VPS13A: variants seen among roughly 807,000 people sequenced by gnomAD.
The protein encoded by VPS13A is intermembrane lipid transfer protein VPS13A.
In VPS13A, 264 loss-of-function variants were observed where a neutral mutation model predicts 390.9. The ratio of observed to expected loss-of-function variants is 0.68; its 90% CI spans 0.61 to 0.75. The LOEUF (loss-of-function observed/expected upper bound fraction) is 0.75. VPS13A is among the 30% of genes least tolerant of loss of function. The pLI, the probability that VPS13A is intolerant of heterozygous loss-of-function variation, is 0.00. For synonymous variants in VPS13A, 1,231 were observed against 1,227.1 expected (o/e 1.00, Z -0.07); for missense variants, 3,409 against 3,733.9 (o/e 0.91, Z 2.27).
Position 77,356,849 on chromosome 9 carries a change from G to C in VPS13A, c.7788G>C (p.Gln2596His). The change falls in exon 55 of 72, where the codon CAG becomes CAC. Residue 2596 changes from glutamine (Q) to histidine (H), a missense_variant. Gln to His is a conservative substitution (Grantham distance 24). Transcript: ENST00000360280. ...CTCCTTCAGAAGATAAGGTTATTCA[G>C]TTGGACACTAATGTTCCGGTAATAT... ...ESSPSEDKVI[Q>H]LDTNVPVRLT... 6.2e-7 allele frequency: 1 copy of C among 1,613,864 alleles called. No individual in the cohort carries two copies. Among genetic ancestry groups the C allele is most frequent in the Non-Finnish European group, 8.5e-7 (1 of 1,179,924 alleles).
In VPS13A at chr9:77,419,077, A is replaced by ACAT. The variant is rs1425744748; in HGVS notation, c.*3072_*3074dup. ...TAGAAGCTCAAAGTGTGTACCAAAT[A>ACAT]CATTGACAGTGGATGCTTTCATGGC... On this transcript the variant is annotated 3_prime_UTR_variant, in exon 72 of 72. Transcript: ENST00000360280. 6.6e-6 allele frequency: 1 copy of ACAT among 152,194 alleles called. No homozygotes were observed. Among genetic ancestry groups the ACAT allele is most frequent in the Admixed American group, 6.5e-5 (1 of 15,284 alleles). 9.4% of individuals were successfully genotyped at this position (152,194 alleles called of 1,614,324 possible).
At position 77,340,455 on chromosome 9, in the gene VPS13A, T is replaced by G; in HGVS notation, c.6931T>G (p.Phe2311Val). 6.2e-7 allele frequency: 1 copy of G among 1,613,494 alleles called. No individual in the cohort carries two copies. The highest frequency in any genetic ancestry group is 8.5e-7 in the Non-Finnish European group (1 of 1,179,674). Reference sequence around the variant, plus strand: ...TTTTAACATTACTAGAATTGTGACATTTACCCCTTTTTATATGATTAAAAA... The same window carrying G: ...TTTTAACATTACTAGAATTGTGACAGTTACCCCTTTTTATATGATTAAAAA... ...SSFNITRIVT[F>V]TPFYMIKNKS... The change falls in exon 50 of 72, where the codon TTT becomes GTT. Residue 2311 changes from phenylalanine (F) to valine (V), a missense_variant. This residue lies in a region of VPS13A where 2,717 missense variants were observed against 2,917.4 expected (regional missense o/e 0.93). Transcript: ENST00000360280.
At position 77,337,391 on chromosome 9, in the gene VPS13A, C is replaced by A; in HGVS notation, c.6232C>A (p.Leu2078Ile). Residue 2078 changes from leucine to isoleucine, a missense_variant, in exon 47 of 72, where the codon CTC (leucine) becomes ATC (isoleucine). Physicochemically the swap from Leu to Ile is conservative, Grantham distance 5 (BLOSUM62 2). Coordinates refer to ENST00000360280, the MANE Select transcript of VPS13A (RefSeq NM_033305.3). The part of the protein sequence containing the change: ...RSKNPSKESF[L>I]INIVPEKDNL... The stretch of plus-strand genomic sequence containing the variant: ...TAAAAACCCTTCTAAGGAATCATTT[C>A]TCATTAATATTGTTCCAGAAAAAGA... The A allele has an allele frequency of 6.2e-7, 1 of 1,612,628 alleles. No individual in the cohort carries two copies. The highest frequency in any genetic ancestry group is 8.5e-7 in the Non-Finnish European group (1 of 1,178,970).
In VPS13A at chr9:77,366,716, T is replaced by C; in HGVS notation, c.8326-11T>C. The C allele has an allele frequency of 4.4e-6, 7 of 1,602,636 alleles. No homozygotes were observed. The highest frequency in any genetic ancestry group is 5.1e-6 in the Non-Finnish European group (6 of 1,172,764). On this transcript the variant is annotated splice_polypyrimidine_tract_variant and intron_variant, in intron 60 of 71. Transcript: ENST00000360280. The stretch of plus-strand genomic sequence containing the variant: ...AAATACTTTTAAATATTTATCTCTT[T>C]ATCTTTTTAGTTACATTTAAGTGTT...
chr9:77,242,332 A>G (rs1316224881), intron 19 of VPS13A, among the ~76,000 whole-genome samples: 1 of 152,126 alleles, frequency 6.6e-6, no homozygotes, highest in African/African-American at 2.4e-5. Flanking sequence ...ATGTCTAACT[A>G]GTTGTCTTTT....
intron 57 of VPS13A, 25 bp downstream of exon 57, chr9:77,358,463 A>G (rs1831943756): frequency 1.9e-6 from 3 of 1,573,288 alleles, no homozygotes; most frequent in Non-Finnish European, 2.6e-6. Context: ...TTAGATTTCC[A>G]TAAAAGCAGT....
At chr9:77,360,731 A>G (rs1832097794) in intron 59 of VPS13A, 90 bp downstream of exon 59, 2 of 975,900 alleles carry the variant, frequency 2.0e-6, no homozygotes, top group East Asian at 2.7e-5. Flanking sequence ...ACTTTGTTGC[A>G]TTTTAAAAAT....
rs761366962 is a variant in VPS13A at position 77,209,506 on chromosome 9, A to C, written c.469A>C (p.Ser157Arg). 6.2e-7 allele frequency: 1 copy of C among 1,604,260 alleles called. No individual in the cohort carries two copies. The highest frequency in any genetic ancestry group is 8.5e-7 in the Non-Finnish European group (1 of 1,171,870). ...IIKNLQVKIS[S>R]IHIRYEDDIT... ...AAAAAATCTTCAGGTGAAAATTTCC[A>C]GTATCCATATTCGTTATGAAGATGA... The change falls in exon 6 of 72, where the codon AGT (serine) becomes CGT (arginine). Residue 157 changes from serine to arginine, a missense_variant. By Grantham distance (110) the Ser-to-Arg change is moderately radical (BLOSUM62 -1). This residue lies in a region of VPS13A where 2,717 missense variants were observed against 2,917.4 expected (regional missense o/e 0.93). Coordinates refer to ENST00000360280, the MANE Select transcript of VPS13A (RefSeq NM_033305.3).
At chr9:77,289,146 G>A (rs745575516) in intron 31 of VPS13A, among the ~76,000 whole-genome samples, 5 of 152,196 alleles carry the variant, frequency 3.3e-5, no homozygotes, top group Middle Eastern at 3.4e-3. Flanking sequence ...TGCCCAGGGT[G>A]GTCTTGAACT....
In VPS13A at chr9:77,334,082, C is replaced by T. The variant is rs565964922; in HGVS notation, c.6095+1969C>T. On this transcript the variant is annotated intron_variant, in intron 46 of 71. Transcript: ENST00000360280. The stretch of plus-strand genomic sequence containing the variant: ...CAAGATACATGAAGTACGGTAACAT[C>T]TGTAATATAGTAATATGGAGATTAG... Among the ~76,000 whole-genome samples the T allele has an allele frequency of 1.1e-4, 16 of 152,120 alleles. No individual in the cohort carries two copies. In the South Asian group the frequency reaches 3.3e-3, roughly 32 times the overall value.
At chr9:77,319,728 T>G in intron 42 of VPS13A, 55 bp downstream of exon 42, 1 of 1,005,336 alleles carries the variant, frequency 9.9e-7, no homozygotes, top group Non-Finnish European at 1.4e-6. Flanking sequence ...TTTAAAAGAC[T>G]TTATTTTTTT....
intron 33 of VPS13A, among the ~76,000 whole-genome samples, chr9:77,298,539 A>G (rs1255426878): frequency 2.0e-5 from 3 of 151,846 alleles, no homozygotes; most frequent in African/African-American, 7.3e-5. Flanking sequence ...TTTTTTTTTC[A>G]TGCAGTACTT....
At chr9:77,406,036 C>T in intron 70 of VPS13A, 49 bp downstream of exon 70, 2 of 1,605,512 alleles carry the variant, frequency 1.2e-6, no homozygotes, top group South Asian at 1.1e-5. Context: ...GAAAATAATG[C>T]TTTGAAGTAG....
intron 50 of VPS13A, among the ~76,000 whole-genome samples, chr9:77,340,886 T>A (rs570740998): frequency 1.2e-4 from 19 of 152,350 alleles, no homozygotes; most frequent in African/African-American, 4.1e-4. Flanking sequence ...CTATTAGGAA[T>A]GCTTTCAGAG....
At position 77,370,499 on chromosome 9, in the gene VPS13A, A is replaced by G. The variant is rs1410954527; in HGVS notation, c.8828A>G (p.Gln2943Arg). 2 of 1,614,082 alleles carry G rather than the reference A, an allele frequency of 1.2e-6. No homozygotes were observed. The highest frequency in any genetic ancestry group is 1.3e-5 in the African/African-American group (1 of 74,932). ...ATGACCATGGATGAAGACTACCAAC[A>G]GAAGAGAAGAGAAGCCATGAATAAG... ...AAMTMDEDYQ[Q>R]KRREAMNKQP... The change falls in exon 65 of 72, where the codon CAG (glutamine) becomes CGG (arginine). Residue 2943 changes from glutamine (Q) to arginine (R), a missense_variant. By Grantham distance (43) the Gln-to-Arg change is conservative (BLOSUM62 1). Transcript: ENST00000360280.
At chr9:77,297,374 T>C (rs1011441316) in intron 33 of VPS13A, among the ~76,000 whole-genome samples, 5 of 152,076 alleles carry the variant, frequency 3.3e-5, no homozygotes, top group African/African-American at 1.2e-4. Context: ...TCAGCTCTTA[T>C]CTTCTCTACT....
chr9:77,180,427 C>T (rs2131040609), intron 1 of VPS13A, among the ~76,000 whole-genome samples: 1 of 152,292 alleles, frequency 6.6e-6, no homozygotes, highest in Admixed American at 6.5e-5. Context: ...TTTTGCAGAG[C>T]ATACATTTTT....
chr9:77,382,037 G>A lies in VPS13A; in HGVS notation c.9139G>A (p.Val3047Ile), dbSNP rs1833468435. The A allele has an allele frequency of 1.2e-6, 2 of 1,608,926 alleles. No individual in the cohort carries two copies. The highest frequency in any genetic ancestry group is 1.7e-6 in the Non-Finnish European group (2 of 1,177,268). The stretch of plus-strand genomic sequence containing the variant: ...TCCTCGGTTCTTCAATGAAGATGGA[G>A]TTATCAGACCGTACAGGTTGAGGGA... ...RPPRFFNEDG[V>I]IRPYRLRDGT... The change falls in exon 68 of 72, where the codon GTT (valine) becomes ATT (isoleucine). Residue 3047 changes from valine (V) to isoleucine (I), a missense_variant. Physicochemically the swap from Val to Ile is conservative, Grantham distance 29. Transcript: ENST00000360280.
chr9:77,278,792 A>T (rs1826843981), intron 26 of VPS13A, among the ~76,000 whole-genome samples: 1 of 152,186 alleles, frequency 6.6e-6, no homozygotes, highest in Admixed American at 6.5e-5. Flanking sequence ...AGAGTTTTAA[A>T]AGCTTTCTAT....
Sources: gnomAD v4.1 joint callset for allele counts (sites outside exome capture counted in the v4.1 genomes callset) on GRCh38, gnomAD v4.1.1 for gene constraint, gnomAD v4.1.1 regional missense constraint, MANE v1.5 for transcripts, NCBI Gene and HGNC (gene_info 2026-07-23, HGNC 2026-07-21) for gene names.